LDB2: variants seen among roughly 807,000 people sequenced by gnomAD.
LDB2 encodes LIM domain binding 2, also known as LIM domain-binding protein 2.
In LDB2, 12 loss-of-function variants were observed where a neutral mutation model predicts 44.3. The ratio of observed to expected loss-of-function variants is 0.27; its 90% CI spans 0.17 to 0.44. The LOEUF (loss-of-function observed/expected upper bound fraction) is 0.44. Ranked by LOEUF, LDB2 falls within the 20% of genes least tolerant of loss-of-function variation. LDB2 has a pLI of 1.00. For synonymous variants in LDB2, 164 were observed against 174.8 expected (o/e 0.94, Z 0.49); for missense variants, 344 against 473.5 (o/e 0.73, Z 2.54).
intron 7 of LDB2, among the ~76,000 whole-genome samples, chr4:16,505,607 AT>A (rs1719087694): frequency 1.3e-5 from 2 of 152,012 alleles, no homozygotes; most frequent in African/African-American, 4.8e-5. Flanking sequence ...TGTTAGCAAC[AT>A]TTCCCCCCCA....
At chr4:16,520,178 G>A (rs62296892) in intron 5 of LDB2, among the ~76,000 whole-genome samples, 7,443 of 151,802 alleles carry the variant, frequency 0.049, 260 homozygotes, top group South Asian at 0.1. Context: ...GGCTAAATCC[G>A]TACCAGAAAG....
intron 5 of LDB2, among the ~76,000 whole-genome samples, chr4:16,553,316 T>TTAA (rs1163154801): frequency 1.3e-5 from 2 of 151,696 alleles, no homozygotes; most frequent in Non-Finnish European, 2.9e-5. Context: ...CCATGCCCAG[T>TTAA]TAATTTTTTT....
In LDB2 at chr4:16,885,905, C is replaced by T. The variant is rs141597145; in HGVS notation, c.132+12449G>A. Among the ~76,000 whole-genome samples the T allele has an allele frequency of 3.4e-3, 519 of 152,184 alleles. 2 individuals are homozygous for T. The highest frequency in any genetic ancestry group is 0.011 in the African/African-American group (441 of 41,506). On this transcript the variant is annotated intron_variant, in intron 1 of 7. Transcript: ENST00000304523. The stretch of plus-strand genomic sequence containing the variant: ...CTCCTTCATACCAGTAATCTTCTAC[C>T]GCAATGGGAGATAAAATTGATTGTT...
intron 2 of LDB2, among the ~76,000 whole-genome samples, chr4:16,679,257 T>C (rs1016294253): frequency 5.3e-5 from 8 of 151,586 alleles, no homozygotes; most frequent in African/African-American, 1.5e-4. Flanking sequence ...GTGATGTCAG[T>C]GTATAAAGAA....
chr4:16,783,226 T>C (rs542044959), intron 1 of LDB2, among the ~76,000 whole-genome samples: 74 of 152,352 alleles, frequency 4.9e-4, no homozygotes, highest in African/African-American at 1.6e-3. Context: ...CCTGCTTCAT[T>C]GTCTGAGGCC....
intron 2 of LDB2, among the ~76,000 whole-genome samples, chr4:16,626,574 A>T (rs1355849944): frequency 6.6e-6 from 1 of 152,162 alleles, no homozygotes; most frequent in Admixed American, 6.5e-5. Context: ...AGGCAAATAC[A>T]ACTTGCACTT....
intron 5 of LDB2, among the ~76,000 whole-genome samples, chr4:16,520,047 T>C (rs1304774894): frequency 6.6e-6 from 1 of 152,032 alleles, no homozygotes; most frequent in Non-Finnish European, 1.5e-5. Flanking sequence ...TTTTAGTAGC[T>C]AACGTCTCCG....
chr4:16,540,392 A>C (rs1164788144), intron 5 of LDB2, among the ~76,000 whole-genome samples: 1 of 152,120 alleles, frequency 6.6e-6, no homozygotes, highest in East Asian at 1.9e-4. Context: ...ACAAAGCAAA[A>C]ATGTGTTTAT....
At chr4:16,809,947 T>TAGCCCACTAATTGTGGGG (rs1779516441) in intron 1 of LDB2, among the ~76,000 whole-genome samples, 1 of 152,206 alleles carries the variant, frequency 6.6e-6, no homozygotes, top group Non-Finnish European at 1.5e-5. Flanking sequence ...ATTGATTCTT[T>TAGCCCACTAATTGTGGGG]TCATGTGGTC....
intron 1 of LDB2, among the ~76,000 whole-genome samples, chr4:16,779,607 C>A (rs1022053391): frequency 1.3e-5 from 2 of 152,142 alleles, no homozygotes; most frequent in African/African-American, 4.8e-5. Context: ...TGGCTGCGTC[C>A]TCATATATTT....
At chr4:16,821,406 C>T (rs1354994574) in intron 1 of LDB2, among the ~76,000 whole-genome samples, 6 of 143,134 alleles carry the variant, frequency 4.2e-5, no homozygotes, top group Non-Finnish European at 6.0e-5. Flanking sequence ...TTTTTGGAGA[C>T]GGAGTCTCGC....
rs71181192 is a variant in LDB2 at position 16,844,087 on chromosome 4, T to TAA, written c.132+54265_132+54266dup. Reference sequence around the variant, plus strand: ...GGGCAACATAGCAAGACCCCATCTCTAAAAAAAAAAAAAAAAAAAATTAGC... The same window carrying TAA: ...GGGCAACATAGCAAGACCCCATCTCTAAAAAAAAAAAAAAAAAAAAAATTAGC... On this transcript the variant is annotated intron_variant, in intron 1 of 7. Transcript: ENST00000304523. 3.6e-3 allele frequency among the ~76,000 whole-genome samples: 426 copies of TAA among 117,812 alleles called. 1 individual carries two copies. Among genetic ancestry groups the TAA allele is most frequent in the Middle Eastern group, 8.8e-3 (2 of 228 alleles). 77.3% of individuals were successfully genotyped at this position (117,812 alleles called of 152,430 possible). A position where few individuals can be genotyped will look rare whatever the true frequency, so the allele number is the denominator to read the frequency against.
At chr4:16,561,253 A>C (rs1267751091) in intron 5 of LDB2, among the ~76,000 whole-genome samples, 1 of 152,182 alleles carries the variant, frequency 6.6e-6, no homozygotes, top group African/African-American at 2.4e-5. Flanking sequence ...AAGGGCATTC[A>C]ATTAGGAAAA....
intron 2 of LDB2, among the ~76,000 whole-genome samples, chr4:16,751,223 T>C (rs1337627143): frequency 2.0e-5 from 3 of 152,150 alleles, no homozygotes; most frequent in Non-Finnish European, 2.9e-5. Flanking sequence ...AGAGAAGAGC[T>C]AACAACCACC....
intron 1 of LDB2, among the ~76,000 whole-genome samples, chr4:16,879,307 T>C (rs1719356048): frequency 6.6e-6 from 1 of 152,182 alleles, no homozygotes; most frequent in South Asian, 2.1e-4. Flanking sequence ...TGATGGTTAA[T>C]TTTATGTGTC....
At chr4:16,512,686 A>G (rs1722260646) in intron 5 of LDB2, among the ~76,000 whole-genome samples, 3 of 152,206 alleles carry the variant, frequency 2.0e-5, no homozygotes, top group Admixed American at 6.5e-5. Flanking sequence ...ATTTTTATTC[A>G]TGTACTCATC....
rs1375794874 is a variant in LDB2 at position 16,627,270 on chromosome 4, TATAA to T, written c.236-31399_236-31396del. Among the ~76,000 whole-genome samples the T allele has an allele frequency of 4.6e-5, 7 of 152,332 alleles. No homozygotes were observed. The South Asian group carries it at 1.2e-3, about 27-fold the overall frequency. On this transcript the variant is annotated intron_variant, in intron 2 of 7. Transcript: ENST00000304523. Reference sequence around the variant, plus strand: ...GGAAGTAAATCATCATCGAAGATACTATAAATGTGTGTGGTAATTATTGATGTGG... The same window carrying T: ...GGAAGTAAATCATCATCGAAGATACTATGTGTGTGGTAATTATTGATGTGG...
At chr4:16,509,101 A>T (rs1720712515) in intron 6 of LDB2, among the ~76,000 whole-genome samples, 1 of 152,206 alleles carries the variant, frequency 6.6e-6, no homozygotes, top group Admixed American at 6.5e-5. Flanking sequence ...TAGGGTAACT[A>T]ACTCCAAGGT....
intron 5 of LDB2, among the ~76,000 whole-genome samples, chr4:16,571,695 A>G (rs1746587308): frequency 6.6e-6 from 1 of 152,174 alleles, no homozygotes; most frequent in Non-Finnish European, 1.5e-5. Context: ...TCAAATGTCT[A>G]TTTAGGATTA....
Sources: allele counts gnomAD v4.1 joint callset (sites outside exome capture counted in the v4.1 genomes callset), GRCh38; gene constraint gnomAD v4.1.1; transcripts MANE v1.5; gene names NCBI Gene and HGNC (gene_info 2026-07-23, HGNC 2026-07-21).